PXDN: variants seen among roughly 807,000 people sequenced by gnomAD.
PXDN encodes peroxidasin homolog.
Under a neutral mutation model 140.3 loss-of-function variants are expected in PXDN, and 77 were observed. The ratio of observed to expected loss-of-function variants is 0.55; its 90% confidence interval spans 0.46 to 0.66. The LOEUF (loss-of-function observed/expected upper bound fraction) is 0.66. PXDN is among the 30% of genes least tolerant of loss of function. PXDN has a pLI of 0.00. For synonymous variants in PXDN, 911 were observed against 857.4 expected (o/e 1.06, Z -1.09); for missense variants, 1,838 against 2,039.5 (o/e 0.90, Z 1.90).
chr2:1,686,878 C>T (rs1171297159), intron 4 of PXDN, among the ~76,000 whole-genome samples: 3 of 152,292 alleles, frequency 2.0e-5, no homozygotes, highest in East Asian at 1.9e-4. Flanking sequence ...GGCAGGAGGA[C>T]GTCACGCTGC....
intron 17 of PXDN, 139 bp from the exon 18 acceptor site, chr2:1,644,891 T>C (rs765658331): frequency 1.5e-4 from 160 of 1,042,996 alleles, no homozygotes; most frequent in Non-Finnish European, 2.0e-4. Flanking sequence ...AAATATTTAC[T>C]TCTTTGCTGC....
At chr2:1,705,355 G>T (rs970807537) in intron 1 of PXDN, among the ~76,000 whole-genome samples, 21 of 152,280 alleles carry the variant, frequency 1.4e-4, no homozygotes, top group African/African-American at 5.1e-4. Flanking sequence ...CCAGATGCAG[G>T]GTGCGGCTCC....
Position 1,634,020 on chromosome 2 carries a change from C to T in PXDN, c.*184G>A, listed in dbSNP as rs1300491966. ...TCCCTTCAGGCACCTGCTGTGCCTC[C>T]TTCTCCGCAGATGCTCTGGTTGGAA... is the stretch of plus-strand genomic sequence containing the variant. On this transcript the variant is annotated 3_prime_UTR_variant, in exon 23 of 23. Coordinates refer to ENST00000252804, the MANE Select transcript of PXDN (RefSeq NM_012293.3). 4.8e-6 allele frequency: 4 copies of T among 839,362 alleles called. No individual in the cohort carries two copies. Among genetic ancestry groups the T allele is most frequent in the Non-Finnish European group, 6.9e-6 (4 of 583,180 alleles). 52.0% of individuals were successfully genotyped at this position (839,362 alleles called of 1,614,324 possible).
intron 1 of PXDN, among the ~76,000 whole-genome samples, chr2:1,722,368 C>T (rs138492052): frequency 0.012 from 1,863 of 152,260 alleles, 27 homozygotes; most frequent in African/African-American, 0.039. Flanking sequence ...CTTGGCAGTC[C>T]CTCTCCCATG....
At chr2:1,668,775 C>T (rs530380133) in intron 9 of PXDN, among the ~76,000 whole-genome samples, 4 of 152,180 alleles carry the variant, frequency 2.6e-5, no homozygotes, top group East Asian at 1.9e-4. Context: ...GTTAGAATGG[C>T]GATCATTAAA....
chr2:1,642,542 C>T (rs1047817374), intron 19 of PXDN, among the ~76,000 whole-genome samples: 2 of 152,216 alleles, frequency 1.3e-5, no homozygotes, highest in Non-Finnish European at 2.9e-5. Flanking sequence ...CCCAGATCCC[C>T]CCATTGTGGT....
rs1334716590 is a variant in PXDN, at chr2:1,639,280, T to A, written c.4073+22A>T. On this transcript the variant is annotated intron_variant, in intron 20 of 22. Transcript: ENST00000252804. The surrounding 1 kb of genome is among the most constrained non-coding windows in gnomAD (Gnocchi z 5.0). Reference sequence around the variant, plus strand: ...GTGCGAGGGCCCCTCTGCACATCATTTGACCTCAGAGACCACCATACCTGG... The same window carrying A: ...GTGCGAGGGCCCCTCTGCACATCATATGACCTCAGAGACCACCATACCTGG... 6.2e-7 allele frequency: 1 copy of A among 1,604,934 alleles called. No homozygotes were observed. Among genetic ancestry groups the A allele is most frequent in the Non-Finnish European group, 8.5e-7 (1 of 1,175,394 alleles).
At chr2:1,665,403 C>G (rs938574222) in intron 10 of PXDN, among the ~76,000 whole-genome samples, 4 of 152,210 alleles carry the variant, frequency 2.6e-5, no homozygotes, top group African/African-American at 9.7e-5. Context: ...TCAATCCTCA[C>G]CCTAAACTAA....
chr2:1,682,960 G>A (rs1204966500), intron 6 of PXDN, among the ~76,000 whole-genome samples: 1 of 152,146 alleles, frequency 6.6e-6, no homozygotes, highest in African/African-American at 2.4e-5. Context: ...GTAAAGATCA[G>A]CCTCCTTAGT....
intron 1 of PXDN, among the ~76,000 whole-genome samples, chr2:1,733,953 G>A (rs1374331350): frequency 2.0e-5 from 3 of 151,966 alleles, no homozygotes; most frequent in Non-Finnish European, 4.4e-5. Context: ...ATGAACCTAC[G>A]CAGAGGAATA....
chr2:1,734,482 CAT>C (rs1685386126), intron 1 of PXDN, among the ~76,000 whole-genome samples: 1 of 152,138 alleles, frequency 6.6e-6, no homozygotes, highest in Admixed American at 6.5e-5. Context: ...TGATGTTTGC[CAT>C]ATCTATTGGC....
At chr2:1,722,378 G>A (rs989856243) in intron 1 of PXDN, among the ~76,000 whole-genome samples, 1 of 152,216 alleles carries the variant, frequency 6.6e-6, no homozygotes. Flanking sequence ...CCTCTCCCAT[G>A]AGAAATTGAG....
At chr2:1,682,427 A>G (rs529255011) in intron 6 of PXDN, among the ~76,000 whole-genome samples, 4 of 152,234 alleles carry the variant, frequency 2.6e-5, no homozygotes, top group African/African-American at 9.6e-5. Context: ...AACAAATCAC[A>G]TAAGACCACT....
intron 1 of PXDN, 121 bp downstream of exon 1, chr2:1,744,135 G>GC: frequency 1.9e-6 from 2 of 1,057,842 alleles, no homozygotes; most frequent in Non-Finnish European, 2.5e-6. Context: ...AAGTCCCCAG[G>GC]CCCCCCGCGC....
chr2:1,679,577 TGG>T (rs1256279812), intron 7 of PXDN, among the ~76,000 whole-genome samples: 3 of 147,118 alleles, frequency 2.0e-5, no homozygotes, highest in African/African-American at 7.5e-5. Flanking sequence ...ATGGTGTGTG[TGG>T]ATGGTGTGTG....
chr2:1,658,800 A>G (rs1312533027), intron 14 of PXDN, among the ~76,000 whole-genome samples: 8 of 59,606 alleles, frequency 1.3e-4, no homozygotes, highest in East Asian at 5.9e-4. Flanking sequence ...CCCCCACTCT[A>G]CTCTCCCAGA....
intron 14 of PXDN, among the ~76,000 whole-genome samples, chr2:1,658,184 G>A (rs1190240240): frequency 6.6e-6 from 1 of 151,860 alleles, no homozygotes; most frequent in Non-Finnish European, 1.5e-5. Context: ...CCAGCACAGT[G>A]ACTGGGTGTT....
rs1553362974 is a variant in PXDN at position 1,676,944 on chromosome 2, G to T, written c.831C>A (p.Ile277=). The T allele has an allele frequency of 1.2e-6, 2 of 1,612,424 alleles. No individual in the cohort carries two copies. Among genetic ancestry groups the T allele is most frequent in the Non-Finnish European group, 1.7e-6 (2 of 1,179,332 alleles). The change falls in exon 8 of 23, where the codon ATC becomes ATA. Residue 277 remains isoleucine (I), a synonymous_variant. Coordinates refer to ENST00000252804, the MANE Select transcript of PXDN (RefSeq NM_012293.3). ...CAACTCACTTGTTTCGCAGCCAGATGATCTCAGGCTTGGGGTTGCCTTCGG... is the reference window on the plus strand; with the variant it reads ...CAACTCACTTGTTTCGCAGCCAGATTATCTCAGGCTTGGGGTTGCCTTCGG... The part of the protein sequence containing the change: ...CRAEGNPKPE[I]IWLRNNNELS...
At chr2:1,719,551 G>A (rs1024854755) in intron 1 of PXDN, among the ~76,000 whole-genome samples, 1 of 152,216 alleles carries the variant, frequency 6.6e-6, no homozygotes, top group Non-Finnish European at 1.5e-5. Context: ...GCGGCCTCCA[G>A]GGCCTCTCTG....
Sources: allele counts gnomAD v4.1 joint callset (sites outside exome capture counted in the v4.1 genomes callset), GRCh38; gene constraint gnomAD v4.1.1; non-coding constraint Gnocchi (gnomAD v3.1); transcripts MANE v1.5; gene names NCBI Gene and HGNC (gene_info 2026-07-23, HGNC 2026-07-21).